Variants in CEP85L observed in about 807,000 individuals in gnomAD.
CEP85L encodes the protein centrosomal protein of 85 kDa-like.
In CEP85L, 60 loss-of-function variants were observed where a neutral mutation model predicts 100.3. That is an observed-to-expected ratio of 0.60 (90% CI 0.49 to 0.74). The LOEUF (loss-of-function observed/expected upper bound fraction) is 0.74. Ranked by LOEUF, CEP85L falls within the 30% of genes least tolerant of loss-of-function variation. The pLI is 0.00. For missense variants in CEP85L, 973 were observed against 936.2 expected (o/e 1.04, Z -0.51); for synonymous variants, 319 against 322.7 (o/e 0.99, Z 0.12).
upstream of CEP85L, chr6:118,651,713 C>A: frequency 3.8e-6 from 1 of 266,462 alleles, no homozygotes; most frequent in Admixed American, 4.1e-4. Context: ...GCGGGGACTG[C>A]GGGGGGCGGG....
chr6:118,528,659 T>C (rs1001586454), intron 3 of CEP85L, among the ~76,000 whole-genome samples: 3 of 152,152 alleles, frequency 2.0e-5, no homozygotes, highest in African/African-American at 7.2e-5. Flanking sequence ...TAGGTTGACT[T>C]AAAAGTAATT....
At chr6:118,622,058 C>T (rs564172900) in intron 2 of CEP85L, among the ~76,000 whole-genome samples, 44 of 152,276 alleles carry the variant, frequency 2.9e-4, no homozygotes, top group Non-Finnish European at 4.0e-4. Context: ...AAGTCAGACC[C>T]GTGGGATAGC....
At chr6:118,486,569 A>G (rs1429921167) in intron 6 of CEP85L, among the ~76,000 whole-genome samples, 1 of 152,134 alleles carries the variant, frequency 6.6e-6, no homozygotes, top group African/African-American at 2.4e-5. Flanking sequence ...GTGGACCCAA[A>G]GTGCTGTTTG....
chr6:118,691,694 G>A (rs1777050893), intron 1 of CEP85L, among the ~76,000 whole-genome samples: 2 of 149,778 alleles, frequency 1.3e-5, no homozygotes, highest in Non-Finnish European at 3.0e-5. Context: ...AGACAAGATC[G>A]CACCACTGCA....
At chr6:118,659,658 G>T (rs1324423985) in intron 1 of CEP85L, among the ~76,000 whole-genome samples, 2 of 152,218 alleles carry the variant, frequency 1.3e-5, no homozygotes, top group African/African-American at 4.8e-5. Flanking sequence ...AGAGAGAAAA[G>T]GCAATATCAA....
Position 118,480,489 on chromosome 6 carries a change from G to C in CEP85L, c.1770C>G (p.Cys590Trp). 1 of 1,606,758 alleles carries C rather than the reference G, an allele frequency of 6.2e-7. No individual in the cohort carries two copies. ...TGGGAAGGCGGATTCCATCTTCAAG[G>C]CATCTTTCTACTTTTTGTTGCAAAC... ...VQSLQQKVER[C>W]LEDGIRLPML... Residue 590 changes from cysteine (C) to tryptophan (W), a missense_variant, in exon 9 of 13, where the codon TGC (cysteine) becomes TGG (tryptophan). Cys to Trp is a radical substitution (Grantham distance 215). Around this residue, in one of 3 missense-constraint regions of CEP85L, gnomAD observed 890 missense variants for 844.5 expected, o/e 1.05. Coordinates refer to ENST00000368491, the MANE Select transcript of CEP85L (RefSeq NM_001042475.3).
intron 2 of CEP85L, among the ~76,000 whole-genome samples, chr6:118,603,529 TAG>T (rs1035300782): frequency 1.3e-5 from 2 of 152,116 alleles, no homozygotes; most frequent in Non-Finnish European, 2.9e-5. Context: ...AGAAATCAGG[TAG>T]AGAGAAATAA....
intron 2 of CEP85L, among the ~76,000 whole-genome samples, chr6:118,629,770 C>A (rs1774023800): frequency 1.3e-5 from 2 of 152,164 alleles, no homozygotes; most frequent in African/African-American, 2.4e-5. Context: ...CTGGACCCTC[C>A]TTTAGCTAAA....
At chr6:118,698,501 A>T (rs1030561091) in intron 1 of CEP85L, among the ~76,000 whole-genome samples, 3 of 151,876 alleles carry the variant, frequency 2.0e-5, no homozygotes. Context: ...GGTAAAGTCA[A>T]ACTACTTCTG....
At chr6:118,487,434 T>C (rs1365051109) in intron 6 of CEP85L, among the ~76,000 whole-genome samples, 1 of 152,160 alleles carries the variant, frequency 6.6e-6, no homozygotes, top group East Asian at 1.9e-4. Flanking sequence ...CAAACCAACA[T>C]GTGGGTTCAA....
chr6:118,704,346 C>A (rs886689462), intron 1 of CEP85L, among the ~76,000 whole-genome samples: 4 of 152,140 alleles, frequency 2.6e-5, no homozygotes, highest in African/African-American at 9.7e-5. Context: ...GCTACCCTGC[C>A]CACTGGCTCA....
chr6:118,497,255 C>G (rs1288934034), intron 5 of CEP85L, among the ~76,000 whole-genome samples: 1 of 152,110 alleles, frequency 6.6e-6, no homozygotes, highest in Non-Finnish European at 1.5e-5. Flanking sequence ...CCTGAGATTG[C>G]CACAAAAGCA....
In CEP85L at chr6:118,565,876, T is replaced by A. The variant is rs374053699; in HGVS notation, c.673A>T (p.Thr225Ser). 1.2e-6 allele frequency: 2 copies of A among 1,613,884 alleles called. No individual in the cohort carries two copies. The highest frequency in any genetic ancestry group is 2.7e-5 in the African/African-American group (2 of 74,884). Residue 225 changes from threonine to serine, a missense_variant, in exon 3 of 13, where the codon ACT (threonine) becomes TCT (serine). Thr to Ser is a moderately conservative substitution (Grantham distance 58). Transcript: ENST00000368491. ...DKEINKKRSSTLDCKYKFESC... is the reference protein window; with the variant it reads ...DKEINKKRSSSLDCKYKFESC... ...TCAAATTTATACTTGCAGTCCAGAG[T>A]TGATGACCGTTTTTTATTTATTTCC...
chr6:118,677,472 C>T (rs1776518856), intron 1 of CEP85L, among the ~76,000 whole-genome samples: 1 of 152,106 alleles, frequency 6.6e-6, no homozygotes, highest in Middle Eastern at 3.2e-3. Flanking sequence ...AATTTTAGCG[C>T]AGAACAGTGA....
Position 118,565,969 on chromosome 6 carries a change from A to T in CEP85L, c.580T>A (p.Ser194Thr). 2 of 1,614,176 alleles carry T rather than the reference A, an allele frequency of 1.2e-6. No individual in the cohort carries two copies. The highest frequency in any genetic ancestry group is 1.7e-6 in the Non-Finnish European group (2 of 1,180,026). The change falls in exon 3 of 13, where the codon TCA becomes ACA. Residue 194 changes from serine to threonine, a missense_variant. Physicochemically the swap from Ser to Thr is moderately conservative, Grantham distance 58 (BLOSUM62 1). Transcript: ENST00000368491. ...EKIGKAKALT[S>T]QLRTIGPSCL... Reference sequence around the variant, plus strand: ...CTAGGCCCAATTGTCCTCAGTTGTGATGTTAAAGCCTTAGCCTTCCCTATC... The same window carrying T: ...CTAGGCCCAATTGTCCTCAGTTGTGTTGTTAAAGCCTTAGCCTTCCCTATC...
rs145490257 is a variant in CEP85L at position 118,626,223 on chromosome 6, T to C, written c.232+6230A>G. Among the ~76,000 whole-genome samples, 25 of 152,332 alleles carry C rather than the reference T, an allele frequency of 1.6e-4. No individual in the cohort carries two copies. The East Asian group carries it at 4.1e-3, about 25-fold the overall frequency. On this transcript the variant is annotated intron_variant, in intron 2 of 12. Coordinates refer to ENST00000368491, the MANE Select transcript of CEP85L (RefSeq NM_001042475.3). Reference sequence around the variant, plus strand: ...CTGGATAAATAATACTGAGGATATATGCTTAAAATATTCCTAACACCAGGA... The same window carrying C: ...CTGGATAAATAATACTGAGGATATACGCTTAAAATATTCCTAACACCAGGA...
chr6:118,613,114 A>G (rs957102531), intron 2 of CEP85L, among the ~76,000 whole-genome samples: 2 of 152,170 alleles, frequency 1.3e-5, no homozygotes, highest in African/African-American at 4.8e-5. Context: ...CAGGAGGCTG[A>G]GGCAAGAGAA....
At chr6:118,607,567 A>G (rs1772313144) in intron 2 of CEP85L, among the ~76,000 whole-genome samples, 1 of 152,170 alleles carries the variant, frequency 6.6e-6, no homozygotes, top group South Asian at 2.1e-4. Context: ...TTAACATCCA[A>G]TAGTGACGAG....
In CEP85L at chr6:118,465,234, T is replaced by C; in HGVS notation, c.*171A>G. 1 of 508,422 alleles carries C rather than the reference T, an allele frequency of 2.0e-6. No homozygotes were observed. The highest frequency in any genetic ancestry group is 3.4e-6 in the Non-Finnish European group (1 of 295,764). 31.5% of individuals were successfully genotyped at this position (508,422 alleles called of 1,614,324 possible). ...TTGATTTTTTTTCTTTTTGCCTGAT[T>C]AGATAAGCCCCTTCAAAATCTCTTC... On this transcript the variant is annotated 3_prime_UTR_variant, in exon 13 of 13. Transcript: ENST00000368491.
Sources: allele counts gnomAD v4.1 joint callset (sites outside exome capture counted in the v4.1 genomes callset), GRCh38; gene constraint gnomAD v4.1.1; regional missense constraint gnomAD v4.1.1; transcripts MANE v1.5; gene names NCBI Gene and HGNC (gene_info 2026-07-23, HGNC 2026-07-21).